Variants in TRPM3 observed in about 807,000 individuals in gnomAD.
TRPM3 encodes the protein long transient receptor potential channel 3.
TRPM3 carries 77 observed loss-of-function variants against 181.2 expected under a neutral mutation model. The observed-to-expected ratio is 0.42, with a 90% CI of 0.35 to 0.51. The LOEUF is 0.51. Among genes scored for constraint, TRPM3 ranks in the 20% least tolerant of loss-of-function variants. The probability of loss-of-function intolerance (pLI) is 0.01; values close to 1 mark genes in which losing one functional copy is unlikely to be tolerated. For missense variants in TRPM3, 1,759 were observed against 2,196.7 expected (o/e 0.80, Z 3.98); for synonymous variants, 745 against 796.4 (o/e 0.94, Z 1.09).
chr9:70,668,055 T>G (rs1187907539), intron 9 of TRPM3, among the ~76,000 whole-genome samples: 1 of 152,172 alleles, frequency 6.6e-6, no homozygotes, highest in Non-Finnish European at 1.5e-5. Context: ...TGGACTATAT[T>G]TATCTGGTAC....
At chr9:71,107,112 C>T (rs915022756) in intron 1 of TRPM3, among the ~76,000 whole-genome samples, 1 of 152,132 alleles carries the variant, frequency 6.6e-6, no homozygotes, top group African/African-American at 2.4e-5. Context: ...CAAGAATGAG[C>T]TGTACATCAA....
chr9:71,431,745 A>T (rs1279397204), intron 1 of TRPM3, among the ~76,000 whole-genome samples: 2 of 152,210 alleles, frequency 1.3e-5, no homozygotes, highest in Admixed American at 6.5e-5. Flanking sequence ...TTGTGCATCA[A>T]AATAAAACCC....
intron 3 of TRPM3, among the ~76,000 whole-genome samples, chr9:70,860,457 A>G (rs4311707): frequency 0.19 from 28,753 of 152,084 alleles, 2,884 homozygotes; most frequent in East Asian, 0.27. Context: ...GACTCATTTA[A>G]TTCTAGAGAC....
chr9:70,665,361 C>G (rs946734600), intron 9 of TRPM3, among the ~76,000 whole-genome samples: 2 of 152,106 alleles, frequency 1.3e-5, no homozygotes, highest in Admixed American at 1.3e-4. Context: ...ATATGTCTGT[C>G]TCCTTGGTGA....
At chr9:71,388,605 C>T (rs1421924380) in intron 1 of TRPM3, among the ~76,000 whole-genome samples, 3 of 152,058 alleles carry the variant, frequency 2.0e-5, no homozygotes, top group South Asian at 2.1e-4. Context: ...CTATTTCAGC[C>T]TTGAGAATAG....
At chr9:71,385,088 G>C (rs766789911) in intron 1 of TRPM3, among the ~76,000 whole-genome samples, 4 of 151,976 alleles carry the variant, frequency 2.6e-5, no homozygotes, top group Non-Finnish European at 4.4e-5. Context: ...ACTAGATAAA[G>C]GAAAAAACAA....
At chr9:71,386,591 T>C (rs761527647) in intron 1 of TRPM3, among the ~76,000 whole-genome samples, 2 of 152,160 alleles carry the variant, frequency 1.3e-5, no homozygotes, top group Non-Finnish European at 1.5e-5. Flanking sequence ...TGGTAGTCAA[T>C]TGGATATTGG....
At chr9:71,204,827 T>C (rs1305697625) in intron 1 of TRPM3, among the ~76,000 whole-genome samples, 1 of 152,116 alleles carries the variant, frequency 6.6e-6, no homozygotes, top group Non-Finnish European at 1.5e-5. Flanking sequence ...TGTCCAACAA[T>C]GATAGACTGG....
chr9:70,536,518 G>A lies in TRPM3; in HGVS notation c.4595C>T (p.Ser1532Phe), dbSNP rs1400702043. ...TGAGGGGGAAAACATAAAGCTATGA[G>A]ATTTCACAATGGGAGCCTCTTCTAG... The part of the protein sequence containing the change: ...FLLEEAPIVK[S>F]HSFMFSPSRS... The change falls in exon 26 of 26, where the codon TCT becomes TTT. Residue 1532 changes from serine (S) to phenylalanine (F), a missense_variant. Ser to Phe is a radical substitution (Grantham distance 155). This residue lies in a region of TRPM3 where 612 missense variants were observed against 590.0 expected (regional missense o/e 1.04). Coordinates refer to ENST00000677713, the MANE Select transcript of TRPM3 (RefSeq NM_001366145.2). 2 of 1,614,178 alleles carry A rather than the reference G, an allele frequency of 1.2e-6. No individual in the cohort carries two copies. Among genetic ancestry groups the A allele is most frequent in the Admixed American group, 1.7e-5 (1 of 60,014 alleles).
At chr9:71,353,427 C>A (rs2091751625) in intron 1 of TRPM3, among the ~76,000 whole-genome samples, 1 of 152,138 alleles carries the variant, frequency 6.6e-6, no homozygotes. Flanking sequence ...AAGGCCCCTA[C>A]TGTCCCCTGG....
chr9:70,740,512 G>T (rs1293736111), intron 8 of TRPM3, among the ~76,000 whole-genome samples: 1 of 152,116 alleles, frequency 6.6e-6, no homozygotes, highest in African/African-American at 2.4e-5. Flanking sequence ...AAAAGAGCTT[G>T]CATAGCCAAG....
chr9:71,203,970 C>A (rs994688170), intron 1 of TRPM3, among the ~76,000 whole-genome samples: 17 of 152,126 alleles, frequency 1.1e-4, no homozygotes, highest in Admixed American at 3.9e-4. Flanking sequence ...GAAAGGATTC[C>A]CTACTTAATA....
intron 1 of TRPM3, among the ~76,000 whole-genome samples, chr9:71,205,565 C>G (rs914237563): frequency 4.6e-5 from 7 of 152,128 alleles, no homozygotes; most frequent in African/African-American, 1.7e-4. Context: ...ATGTGCAATA[C>G]TGTGTCAAGT....
intron 22 of TRPM3, among the ~76,000 whole-genome samples, chr9:70,583,798 T>C (rs1241685676): frequency 6.6e-6 from 1 of 152,224 alleles, no homozygotes; most frequent in Non-Finnish European, 1.5e-5. Context: ...TGATCTCTTA[T>C]ACTACTAGAG....
chr9:71,132,951 G>A (rs143787457), intron 1 of TRPM3, among the ~76,000 whole-genome samples: 94 of 152,148 alleles, frequency 6.2e-4, no homozygotes, highest in African/African-American at 2.2e-3. Context: ...TGGATATATA[G>A]TACAGTACTC....
In TRPM3 at chr9:70,602,699, C is replaced by T. The variant is rs192254115; in HGVS notation, c.2796+643G>A. Among the ~76,000 whole-genome samples, 21 of 152,246 alleles carry T rather than the reference C, an allele frequency of 1.4e-4. No individual in the cohort carries two copies. In the East Asian group the frequency reaches 3.1e-3, roughly 22 times the overall value. ...TTAGCAGCTCTGAATCTGATGGGCCCCTGAGGTTAGCTCTGATTTCAAATA... is the reference window on the plus strand; with the variant it reads ...TTAGCAGCTCTGAATCTGATGGGCCTCTGAGGTTAGCTCTGATTTCAAATA... On this transcript the variant is annotated intron_variant, in intron 20 of 25. Coordinates refer to ENST00000677713, the MANE Select transcript of TRPM3 (RefSeq NM_001366145.2).
chr9:70,853,029 G>A (rs1028434637), intron 3 of TRPM3, among the ~76,000 whole-genome samples: 1 of 152,200 alleles, frequency 6.6e-6, no homozygotes, highest in African/African-American at 2.4e-5. Flanking sequence ...TTTGAGGGGA[G>A]AGACTGTGTT....
chr9:70,646,403 G>A (rs1184301014), intron 9 of TRPM3, among the ~76,000 whole-genome samples: 1 of 152,178 alleles, frequency 6.6e-6, no homozygotes, highest in African/African-American at 2.4e-5. Context: ...AAAAGGATGA[G>A]TTCATGACCT....
intron 1 of TRPM3, among the ~76,000 whole-genome samples, chr9:71,304,015 G>A (rs894898434): frequency 2.6e-5 from 4 of 152,046 alleles, no homozygotes; most frequent in Admixed American, 1.3e-4. Context: ...TAAATATATA[G>A]TTTTTGTTAA....
Sources: gnomAD v4.1 joint callset for allele counts (sites outside exome capture counted in the v4.1 genomes callset) on GRCh38, gnomAD v4.1.1 for gene constraint, gnomAD v4.1.1 regional missense constraint, MANE v1.5 for transcripts, NCBI Gene and HGNC (gene_info 2026-07-23, HGNC 2026-07-21) for gene names.